TLCD4: variants seen among roughly 807,000 people sequenced by gnomAD.
The protein encoded by TLCD4 is TLC domain containing 4.
A neutral mutation model predicts 24.2 loss-of-function variants in TLCD4; 7 were observed. The observed-to-expected ratio is 0.29, with a 90% CI of 0.16 to 0.54. The LOEUF (loss-of-function observed/expected upper bound fraction) is 0.54, where lower values mean the gene tolerates loss of function less well. Ranked by LOEUF, TLCD4 falls within the 20% of genes least tolerant of loss-of-function variation. TLCD4 has a pLI of 0.95. For missense variants in TLCD4, 259 were observed against 313.9 expected (o/e 0.82, Z 1.32); for synonymous variants, 103 against 106.4 (o/e 0.97, Z 0.20).
chr1:95,164,793 TAGTC>T (rs949001942), intron 5 of TLCD4: 4 of 136,286 alleles, frequency 2.9e-5, no homozygotes, highest in African/African-American at 8.3e-5. Context: ...TTTTTCTTTG[TAGTC>T]AGTTGATCTA....
At chr1:95,125,217 A>T (rs1263806100) in intron 1 of TLCD4, among the ~76,000 whole-genome samples, 3 of 152,132 alleles carry the variant, frequency 2.0e-5, no homozygotes, top group South Asian at 2.1e-4. Flanking sequence ...TATGTGACTT[A>T]CTACACCTGA....
At chr1:95,101,580 G>C in the TLCD4 span, among the ~76,000 whole-genome samples, 1 of 152,196 alleles carries the variant, frequency 6.6e-6, no homozygotes, top group South Asian at 2.1e-4. Flanking sequence ...TTTTTAAAGT[G>C]CAGAGCTCTG....
intron 6 of TLCD4, among the ~76,000 whole-genome samples, chr1:95,187,550 C>T (rs924894393): frequency 1.3e-5 from 2 of 152,022 alleles, no homozygotes; most frequent in African/African-American, 2.4e-5. Context: ...GGAAGACCAC[C>T]GAGGGACAGT....
At chr1:95,155,744 A>C (rs1469165709) in intron 5 of TLCD4, among the ~76,000 whole-genome samples, 1 of 76,860 alleles carries the variant, frequency 1.3e-5, no homozygotes, top group African/African-American at 4.2e-5. Context: ...AGTGTGACTC[A>C]CAGAGGTTTT....
intron 1 of TLCD4, among the ~76,000 whole-genome samples, chr1:95,135,810 C>G (rs1342616726): frequency 1.3e-5 from 2 of 152,144 alleles, no homozygotes; most frequent in African/African-American, 2.4e-5. Context: ...ATCTCCGCCT[C>G]CTGGGCTCAA....
At chr1:95,179,738 C>T (rs1468748485) in intron 6 of TLCD4, among the ~76,000 whole-genome samples, 1 of 152,204 alleles carries the variant, frequency 6.6e-6, no homozygotes, top group Non-Finnish European at 1.5e-5. Context: ...ATGAGCTCTT[C>T]AGTGTGACAC....
rs576667355 is a variant in TLCD4, at chr1:95,195,325, A to C, written c.*3457A>C. The C allele has an allele frequency of 6.6e-6, 1 of 152,316 alleles. No homozygotes were observed. Among genetic ancestry groups the C allele is most frequent in the South Asian group, 2.1e-4 (1 of 4,830 alleles). 9.4% of individuals were successfully genotyped at this position (152,316 alleles called of 1,614,324 possible). A position where few individuals can be genotyped will look rare whatever the true frequency, so the allele number is the denominator to read the frequency against. The stretch of plus-strand genomic sequence containing the variant: ...AGGGGAAGGTGTTGTTACAGTGTAC[A>C]TGTTTCCTCTGTGTCGTTTTTAAGG... On this transcript the variant is annotated 3_prime_UTR_variant, in exon 7 of 7. Coordinates refer to ENST00000370203, the MANE Select transcript of TLCD4 (RefSeq NM_152487.3).
intron 5 of TLCD4, among the ~76,000 whole-genome samples, chr1:95,162,530 T>C (rs918252943): frequency 3.3e-5 from 5 of 152,210 alleles, no homozygotes; most frequent in South Asian, 2.1e-4. Flanking sequence ...ATGTGTGAAT[T>C]TGATCCTGCC....
intron 1 of TLCD4, among the ~76,000 whole-genome samples, chr1:95,142,779 G>A (rs905303007): frequency 1.3e-5 from 2 of 152,112 alleles, no homozygotes; most frequent in Admixed American, 1.3e-4. Context: ...GTGAAACCCC[G>A]TCTCTACTAA....
At chr1:95,109,912 CATATATATATAT>C in the TLCD4 span, among the ~76,000 whole-genome samples, 2,833 of 80,226 alleles carry the variant, frequency 0.035, 102 homozygotes, top group Middle Eastern at 0.078. Context: ...TGTGTGTATG[CATATATATATAT>C]ATATATATAT....
At chr1:95,140,469 CCTA>C (rs1303619150) in intron 1 of TLCD4, among the ~76,000 whole-genome samples, 2 of 151,900 alleles carry the variant, frequency 1.3e-5, no homozygotes, top group Non-Finnish European at 2.9e-5. Flanking sequence ...CATGTTTTTC[CCTA>C]CTAAGAAATC....
At position 95,193,996 on chromosome 1, in the gene TLCD4, C is replaced by A. The variant is rs145504065; in HGVS notation, c.*2128C>A. ...TTTGACTCTGGATATTTCTATAGTT[C>A]TGAACACAGATTTTAAACCCACTAT... On this transcript the variant is annotated 3_prime_UTR_variant, in exon 7 of 7. Transcript: ENST00000370203. 3.4e-3 allele frequency: 523 copies of A among 152,110 alleles called. 1 individual carries two copies. The highest frequency in any genetic ancestry group is 0.012 in the African/African-American group (479 of 41,520). 9.4% of individuals were successfully genotyped at this position (152,110 alleles called of 1,614,324 possible).
rs765517111 is a variant in TLCD4, at chr1:95,150,192, C to T, written c.246-16C>T. 8.2e-5 allele frequency: 108 copies of T among 1,314,316 alleles called. No homozygotes were observed. Among genetic ancestry groups the T allele is most frequent in the Non-Finnish European group, 1.1e-4 (103 of 954,452 alleles). The allele number at this position is 1,314,316 out of a possible 1,614,324, so 81.4% of individuals were successfully genotyped here. ...CAATCTATATACTTTAAAAAGGAAC[C>T]TTTTTTTTTTTTCAGGGGTGGTCCA... On this transcript the variant is annotated splice_polypyrimidine_tract_variant and intron_variant, in intron 3 of 6. Transcript: ENST00000370203.
At chr1:95,167,838 C>T (rs1168600162) in intron 5 of TLCD4, among the ~76,000 whole-genome samples, 2 of 152,150 alleles carry the variant, frequency 1.3e-5, no homozygotes, top group Non-Finnish European at 2.9e-5. Context: ...ACATTCTCAC[C>T]ACCTGTTTCT....
chr1:95,118,689 A>G (rs905080307), intron 1 of TLCD4, among the ~76,000 whole-genome samples: 1 of 152,330 alleles, frequency 6.6e-6, no homozygotes, highest in Admixed American at 6.5e-5. Flanking sequence ...ATTGAAATGT[A>G]GCTTCATCTT....
At chr1:95,124,184 A>G (rs1376589554) in intron 1 of TLCD4, among the ~76,000 whole-genome samples, 2 of 152,218 alleles carry the variant, frequency 1.3e-5, no homozygotes, top group African/African-American at 4.8e-5. Context: ...TGATATGACA[A>G]GATAAAGTAT....
intron 5 of TLCD4, among the ~76,000 whole-genome samples, chr1:95,155,417 A>G (rs1386299155): frequency 6.6e-6 from 1 of 152,216 alleles, no homozygotes; most frequent in East Asian, 1.9e-4. Flanking sequence ...GAGTTTTGCC[A>G]TAATTTACCA....
intron 1 of TLCD4, among the ~76,000 whole-genome samples, chr1:95,139,386 C>A (rs1234974662): frequency 7.2e-6 from 1 of 138,208 alleles, no homozygotes; most frequent in Non-Finnish European, 1.6e-5. Context: ...TTAAAAATTT[C>A]TTTTTTCAAT....
chr1:95,183,120 A>G (rs1678705569), intron 6 of TLCD4, among the ~76,000 whole-genome samples: 1 of 152,172 alleles, frequency 6.6e-6, no homozygotes, highest in African/African-American at 2.4e-5. Flanking sequence ...AACACTGGAG[A>G]CAAAAGTTTG....
Sources: allele counts gnomAD v4.1 joint callset (sites outside exome capture counted in the v4.1 genomes callset), GRCh38; gene constraint gnomAD v4.1.1; transcripts MANE v1.5; gene names NCBI Gene and HGNC (gene_info 2026-07-23, HGNC 2026-07-21).